The following STPG2 variants were observed in gnomAD, a reference collection of about 807,000 sequenced individuals.
STPG2 encodes sperm tail PG-rich repeat containing 2, also known as sperm-tail PG-rich repeat-containing protein 2.
Under a neutral mutation model 54.2 loss-of-function variants are expected in STPG2, and 56 were observed. The ratio of observed to expected loss-of-function variants is 1.03; its 90% confidence interval spans 0.83 to 1.29. STPG2 has a LOEUF of 1.29. Ranked by LOEUF, STPG2 falls within the 50% of genes most tolerant of loss-of-function variation. The pLI is 0.00. For synonymous variants in STPG2, 200 were observed against 181.8 expected (o/e 1.10, Z -0.81); for missense variants, 596 against 544.9 (o/e 1.09, Z -0.93).
chr4:97,806,106 T>C (rs543111639), intron 9 of STPG2, among the ~76,000 whole-genome samples: 1 of 152,144 alleles, frequency 6.6e-6, no homozygotes, highest in Non-Finnish European at 1.5e-5. Context: ...TTAACCTAGA[T>C]GCCCAACAGT....
chr4:98,035,662 C>T (rs1378389495), intron 5 of STPG2, among the ~76,000 whole-genome samples: 2 of 152,184 alleles, frequency 1.3e-5, no homozygotes, highest in African/African-American at 4.8e-5. Flanking sequence ...TTTATTGCGG[C>T]ATTGTTCACA....
At chr4:97,680,955 A>T (rs2148978911) in intron 10 of STPG2, among the ~76,000 whole-genome samples, 1 of 152,164 alleles carries the variant, frequency 6.6e-6, no homozygotes, top group South Asian at 2.1e-4. Context: ...TGAATTTACC[A>T]TATAAAGTTC....
At chr4:97,771,197 G>A (rs1726206335) in intron 9 of STPG2, among the ~76,000 whole-genome samples, 1 of 152,152 alleles carries the variant, frequency 6.6e-6, no homozygotes, top group Admixed American at 6.5e-5. Context: ...ATAAAATAAG[G>A]CACACTATGT....
At chr4:97,685,108 T>C (rs1484074361) in intron 10 of STPG2, among the ~76,000 whole-genome samples, 4 of 152,090 alleles carry the variant, frequency 2.6e-5, no homozygotes, top group Non-Finnish European at 5.9e-5. Flanking sequence ...ACAGGGATCC[T>C]TTCATTGCTG....
At chr4:97,801,403 C>T (rs1359722963) in intron 9 of STPG2, among the ~76,000 whole-genome samples, 1 of 152,158 alleles carries the variant, frequency 6.6e-6, no homozygotes, top group East Asian at 1.9e-4. Context: ...CCCTTTCATC[C>T]TTTCTACATC....
chr4:97,859,475 T>A (rs991553620), intron 8 of STPG2, among the ~76,000 whole-genome samples: 18 of 150,254 alleles, frequency 1.2e-4, no homozygotes, highest in African/African-American at 4.4e-4. Context: ...TCTTTTTTTT[T>A]TTTTTTGAGA....
chr4:97,657,165 A>C (rs1347792764), intron 10 of STPG2, among the ~76,000 whole-genome samples: 2 of 152,144 alleles, frequency 1.3e-5, no homozygotes, highest in African/African-American at 2.4e-5. Context: ...AAGTGGAATA[A>C]ATTTAATGGA....
chr4:97,908,561 C>G (rs1315600905), intron 8 of STPG2, among the ~76,000 whole-genome samples: 1 of 152,032 alleles, frequency 6.6e-6, no homozygotes, highest in African/African-American at 2.4e-5. Flanking sequence ...AAGACACATG[C>G]ACACATATGT....
At chr4:97,503,699 A>G (rs1322883810) in intron 4 of STPG2, among the ~76,000 whole-genome samples, 2 of 150,858 alleles carry the variant, frequency 1.3e-5, no homozygotes, top group African/African-American at 2.4e-5. Context: ...CATTTTAATA[A>G]GCTAATCCAC....
chr4:97,471,244 A>G (rs1338113126), intron 4 of STPG2, among the ~76,000 whole-genome samples: 1 of 152,112 alleles, frequency 6.6e-6, no homozygotes, highest in Admixed American at 6.6e-5. Context: ...AACCACAGAC[A>G]AGGGGTGGGG....
intron 5 of STPG2, among the ~76,000 whole-genome samples, chr4:97,982,832 A>G (rs1268160737): frequency 6.6e-6 from 1 of 152,194 alleles, no homozygotes; most frequent in Admixed American, 6.5e-5. Context: ...ATTTCTGGAC[A>G]TACTACTAGG....
intron 4 of STPG2, among the ~76,000 whole-genome samples, chr4:97,453,905 T>A (rs1388292916): frequency 6.6e-6 from 1 of 151,966 alleles, no homozygotes; most frequent in South Asian, 2.1e-4. Flanking sequence ...ACTAGAGAAG[T>A]AGAAGAGAGG....
chr4:98,096,505 C>A (rs1330563601), intron 5 of STPG2, among the ~76,000 whole-genome samples: 6 of 151,964 alleles, frequency 3.9e-5, no homozygotes, highest in Non-Finnish European at 8.8e-5. Flanking sequence ...CAATAAGCCC[C>A]TACACCAAAA....
chr4:97,799,974 C>T (rs1024258321), intron 9 of STPG2, among the ~76,000 whole-genome samples: 7 of 152,282 alleles, frequency 4.6e-5, no homozygotes, highest in Non-Finnish European at 7.3e-5. Flanking sequence ...TTGATCAAAT[C>T]GGCTGCTGAA....
intron 10 of STPG2, among the ~76,000 whole-genome samples, chr4:97,561,834 G>C (rs1732257028): frequency 6.6e-6 from 1 of 152,096 alleles, no homozygotes; most frequent in South Asian, 2.1e-4. Context: ...TGCTGTTTTG[G>C]TTATTGTAGC....
chr4:97,480,712 T>C (rs1456914271), intron 4 of STPG2, among the ~76,000 whole-genome samples: 1 of 151,610 alleles, frequency 6.6e-6, no homozygotes, highest in Admixed American at 6.6e-5. Context: ...TACCTATTTG[T>C]TGCTTATAGC....
chr4:97,955,672 A>G (rs1334005284), intron 7 of STPG2, among the ~76,000 whole-genome samples: 1 of 152,222 alleles, frequency 6.6e-6, no homozygotes, highest in Non-Finnish European at 1.5e-5. Context: ...ATAAACCCAC[A>G]GATTCAAAGG....
At chr4:97,653,344 C>A (rs1722129591) in intron 10 of STPG2, among the ~76,000 whole-genome samples, 1 of 150,686 alleles carries the variant, frequency 6.6e-6, no homozygotes. Context: ...TATAATGTAA[C>A]ATCTCAATGA....
chr4:97,636,657 G>A (rs1240555253), intron 10 of STPG2, among the ~76,000 whole-genome samples: 2 of 145,572 alleles, frequency 1.4e-5, no homozygotes, highest in African/African-American at 5.1e-5. Context: ...TGATAAAGGG[G>A]ATATTACCAC....
Sources: gnomAD v4.1 joint callset for allele counts (sites outside exome capture counted in the v4.1 genomes callset) on GRCh38, gnomAD v4.1.1 for gene constraint, MANE v1.5 for transcripts, NCBI Gene and HGNC (gene_info 2026-07-23, HGNC 2026-07-21) for gene names.